The following VWF variants were observed in gnomAD, a reference collection of about 807,000 sequenced individuals.
VWF encodes the protein von Willebrand factor.
Under a neutral mutation model 308.6 loss-of-function variants are expected in VWF, and 176 were observed. That is an observed-to-expected ratio of 0.57 (90% CI 0.50 to 0.65). The LOEUF is 0.65. VWF is among the 30% of genes least tolerant of loss of function. The probability of loss-of-function intolerance (pLI) is 0.00; values close to 1 mark genes in which losing one functional copy is unlikely to be tolerated. For synonymous variants in VWF, 1,385 were observed against 1,443.4 expected, an observed-to-expected ratio of 0.96 and a Z score of 0.92; for missense variants, 3,146 against 3,648.2, an observed-to-expected ratio of 0.86 and a Z score of 3.55.
intron 34 of VWF, among the ~76,000 whole-genome samples, chr12:6,000,875 T>C (rs1943865966): frequency 6.9e-6 from 1 of 144,818 alleles, no homozygotes; most frequent in Non-Finnish European, 1.5e-5. Context: ...AAGAGATGAC[T>C]AGGAAATGTT....
intron 50 of VWF, among the ~76,000 whole-genome samples, chr12:5,951,504 C>A (rs1943190698): frequency 6.6e-6 from 1 of 152,078 alleles, no homozygotes; most frequent in Non-Finnish European, 1.5e-5. Flanking sequence ...ACATATCGTC[C>A]CAGGATAGGA....
At chr12:6,034,586 G>C (rs763373148) in intron 20 of VWF, 102 bp downstream of exon 20, 295 of 1,576,996 alleles carry the variant, frequency 1.9e-4, no homozygotes, top group Non-Finnish European at 3.9e-5. Context: ...CCAGACCCCA[G>C]AGTTGTTTCT....
intron 5 of VWF, among the ~76,000 whole-genome samples, chr12:6,102,649 G>A (rs1945178178): frequency 6.7e-6 from 1 of 149,160 alleles, no homozygotes; most frequent in Non-Finnish European, 1.5e-5. Context: ...GCAGGAGAAT[G>A]GCATGAACCT....
At chr12:6,025,084 T>C (rs1462236092) in intron 24 of VWF, among the ~76,000 whole-genome samples, 1 of 150,626 alleles carries the variant, frequency 6.6e-6, no homozygotes, top group Non-Finnish European at 1.5e-5. Flanking sequence ...TCCTTGTCAT[T>C]AGAGATGAAG....
At position 6,011,497 on chromosome 12, in the gene VWF, T is replaced by C. The variant is rs539303164; in HGVS notation, c.5842+120A>G. On this transcript the variant is annotated intron_variant, in intron 34 of 51. Transcript: ENST00000261405. Reference sequence around the variant, plus strand: ...AGGTGAGTGAAGGTAGCACTGTGCATGTGGTGATGAGGGAAAGGGTACTTC... The same window carrying C: ...AGGTGAGTGAAGGTAGCACTGTGCACGTGGTGATGAGGGAAAGGGTACTTC... 8.1e-5 allele frequency: 64 copies of C among 793,560 alleles called. 1 individual carries two copies. The South Asian group carries it at 9.7e-4, about 12-fold the overall frequency. The allele number at this position is 793,560 out of a possible 1,614,324, so 49.2% of individuals were successfully genotyped here.
rs958079888 is a variant in VWF, at chr12:6,018,663, G to A, written c.4755C>T (p.Leu1585=). Reference sequence around the variant, plus strand: ...GGCTGACCAAGAAGCTGTGGTCAGAGAGGTACCGCAGGGCCAGCCCAGTGT... The same window carrying A: ...GGCTGACCAAGAAGCTGTGGTCAGAAAGGTACCGCAGGGCCAGCCCAGTGT... The part of the protein sequence containing the change: ...RTNTGLALRY[L]SDHSFLVSQG... The change falls in exon 28 of 52, where the codon CTC becomes CTT. Residue 1585 remains leucine (L), a synonymous_variant. Coordinates refer to ENST00000261405, the MANE Select transcript of VWF (RefSeq NM_000552.5). The A allele has an allele frequency of 1.2e-6, 2 of 1,613,852 alleles. No individual in the cohort carries two copies. The highest frequency in any genetic ancestry group is 1.3e-5 in the African/African-American group (1 of 74,926).
intron 47 of VWF, among the ~76,000 whole-genome samples, chr12:5,964,219 A>AATACATACATACATAC (rs746364619): frequency 1.1e-4 from 13 of 118,232 alleles, no homozygotes; most frequent in African/African-American, 3.4e-4. Context: ...TCTGTCTAAA[A>AATACATACATACATAC]ATACATACAT....
chr12:6,089,584 G>A (rs1297906208), intron 6 of VWF, among the ~76,000 whole-genome samples: 1 of 152,082 alleles, frequency 6.6e-6, no homozygotes, highest in Non-Finnish European at 1.5e-5. Context: ...AAACCTCCCA[G>A]TCTCCCTCCT....
intron 3 of VWF, among the ~76,000 whole-genome samples, chr12:6,112,631 T>C (rs1456929698): frequency 1.3e-5 from 2 of 152,092 alleles, no homozygotes; most frequent in African/African-American, 4.8e-5. Flanking sequence ...GGCTTCTTCT[T>C]GGCAAGAAGA....
At chr12:6,092,628 T>TGAGAGAGAGAGAGA (rs1565386731) in intron 6 of VWF, among the ~76,000 whole-genome samples, 36 of 80,238 alleles carry the variant, frequency 4.5e-4, no homozygotes, top group African/African-American at 9.8e-4. Flanking sequence ...AGTGTGTGTG[T>TGAGAGAGAGAGAGA]GTGTGTGTGT....
At chr12:6,112,190 C>T (rs993659090) in intron 3 of VWF, among the ~76,000 whole-genome samples, 5 of 152,072 alleles carry the variant, frequency 3.3e-5, no homozygotes, top group African/African-American at 1.2e-4. Flanking sequence ...AAGATCCAGA[C>T]ACATGATAAA....
chr12:6,056,169 C>CG (rs1369459421), intron 15 of VWF, among the ~76,000 whole-genome samples: 1 of 146,058 alleles, frequency 6.8e-6, no homozygotes, highest in Non-Finnish European at 1.5e-5. Flanking sequence ...TCTAGTAGGG[C>CG]GGCCATTTCC....
At chr12:6,087,965 G>A (rs970530119) in intron 6 of VWF, among the ~76,000 whole-genome samples, 1 of 152,144 alleles carries the variant, frequency 6.6e-6, no homozygotes, top group African/African-American at 2.4e-5. Flanking sequence ...GATCCTGAGC[G>A]AGGAGATGAT....
At chr12:6,057,480 TTTATTATTATTATTA>T (rs10667650) in intron 14 of VWF, among the ~76,000 whole-genome samples, 1,928 of 129,528 alleles carry the variant, frequency 0.015, 34 homozygotes, top group African/African-American at 0.043. Flanking sequence ...GCCCGGCAAA[TTTATTATTATTATTA>T]TTATTATTAT....
intron 6 of VWF, 149 bp downstream of exon 6, chr12:6,095,311 T>C: frequency 1.6e-6 from 2 of 1,260,464 alleles, no homozygotes; most frequent in Admixed American, 3.4e-5. Flanking sequence ...GTATTAGAAT[T>C]AGACTCTAGC....
At chr12:5,996,252 G>A (rs763111858) in intron 34 of VWF, 30 bp from the exon 35 acceptor site, 30 of 1,584,144 alleles carry the variant, frequency 1.9e-5, no homozygotes, top group Admixed American at 1.4e-4. Flanking sequence ...GGATGGATGC[G>A]ACGTTATCCA....
chr12:6,111,338 G>A (rs1201013763), intron 3 of VWF, among the ~76,000 whole-genome samples: 1 of 152,158 alleles, frequency 6.6e-6, no homozygotes, highest in African/African-American at 2.4e-5. Flanking sequence ...GTGAGTTACT[G>A]GTAACAGGTG....
chr12:6,116,382 G>A (rs1466081360), intron 3 of VWF, among the ~76,000 whole-genome samples: 1 of 152,142 alleles, frequency 6.6e-6, no homozygotes, highest in East Asian at 1.9e-4. Context: ...CGTCAGACCT[G>A]GGCGCTCTCT....
At chr12:6,112,944 T>C (rs1945325955) in intron 3 of VWF, among the ~76,000 whole-genome samples, 1 of 152,086 alleles carries the variant, frequency 6.6e-6, no homozygotes, top group South Asian at 2.1e-4. Flanking sequence ...AGAATAGACT[T>C]GTTTCTGGTG....
Sources: allele counts gnomAD v4.1 joint callset (sites outside exome capture counted in the v4.1 genomes callset), GRCh38; gene constraint gnomAD v4.1.1; transcripts MANE v1.5; gene names NCBI Gene and HGNC (gene_info 2026-07-23, HGNC 2026-07-21).